SUGP1: variants seen among roughly 807,000 people sequenced by gnomAD.
SUGP1 encodes SURP and G-patch domain containing 1.
SUGP1 carries 34 observed loss-of-function variants against 76.5 expected under a neutral mutation model. That is an observed-to-expected ratio of 0.44 (90% CI 0.34 to 0.59). The LOEUF (loss-of-function observed/expected upper bound fraction) is 0.59. Ranked by LOEUF, SUGP1 falls within the 20% of genes least tolerant of loss-of-function variation. The pLI, the probability that SUGP1 is intolerant of heterozygous loss-of-function variation, is 0.01. For synonymous variants in SUGP1, 326 were observed against 326.2 expected, an observed-to-expected ratio of 1.00 and a Z score of 0.01; for missense variants, 752 against 851.7, an observed-to-expected ratio of 0.88 and a Z score of 1.46.
At chr19:19,296,392 C>T (rs991091729) in intron 8 of SUGP1, among the ~76,000 whole-genome samples, 4 of 149,938 alleles carry the variant, frequency 2.7e-5, no homozygotes, top group Non-Finnish European at 4.4e-5. Context: ...CCCATCTCTA[C>T]GTCCCAGCAC....
intron 1 of SUGP1, 34 bp downstream of exon 1, chr19:19,320,429 A>C: frequency 6.2e-7 from 1 of 1,606,622 alleles, no homozygotes; most frequent in Non-Finnish European, 8.5e-7. Context: ...CCAGGGACCC[A>C]GGCGGCCGCC....
intron 8 of SUGP1, among the ~76,000 whole-genome samples, chr19:19,292,902 G>A (rs962273488): frequency 6.6e-6 from 1 of 151,944 alleles, no homozygotes. Context: ...ATGATTTTAT[G>A]TATTTATTTA....
intron 8 of SUGP1, among the ~76,000 whole-genome samples, chr19:19,285,958 C>T (rs1203048884): frequency 6.6e-6 from 1 of 152,166 alleles, no homozygotes; most frequent in Non-Finnish European, 1.5e-5. Flanking sequence ...AAGCTGCTAA[C>T]CCCTGAGTCT....
chr19:19,310,335 G>T, intron 2 of SUGP1, 135 bp from the exon 3 acceptor site: 1 of 679,202 alleles, frequency 1.5e-6, no homozygotes. Context: ...TCACCTACTG[G>T]GACCCCAAAC....
rs55849619 is a variant in SUGP1, at chr19:19,318,113, C to CTTTTCTTTTTTTTTTTT, written c.35-1521_35-1520insAAAAAAAAAAAAGAAAA. On this transcript the variant is annotated intron_variant, in intron 1 of 13. Coordinates refer to ENST00000247001, the MANE Select transcript of SUGP1 (RefSeq NM_172231.4). ...GGCGTGAGCCACCGAACCCAGCCTTCTTTTTTTTTTTTTTTTTTTTTGAGA... is the reference window on the plus strand; with the variant it reads ...GGCGTGAGCCACCGAACCCAGCCTTCTTTTCTTTTTTTTTTTTTTTTTTTTTTTTTTTTTTTTTGAGA... Among the ~76,000 whole-genome samples, 32 of 97,668 alleles carry CTTTTCTTTTTTTTTTTT rather than the reference C, an allele frequency of 3.3e-4. 2 individuals are homozygous for CTTTTCTTTTTTTTTTTT. Among genetic ancestry groups the CTTTTCTTTTTTTTTTTT allele is most frequent in the African/African-American group, 7.9e-4 (18 of 22,828 alleles). 64.1% of individuals were successfully genotyped at this position (97,668 alleles called of 152,430 possible).
intron 2 of SUGP1, among the ~76,000 whole-genome samples, chr19:19,315,044 A>G (rs985653452): frequency 1.3e-5 from 2 of 150,564 alleles, no homozygotes; most frequent in African/African-American, 4.9e-5. Context: ...AAGAAAAGGC[A>G]AACGCTGCTG....
At chr19:19,279,439 C>G in intron 9 of SUGP1, 49 bp from the exon 10 acceptor site, 1 of 1,516,218 alleles carries the variant, frequency 6.6e-7, no homozygotes, top group Non-Finnish European at 8.8e-7. Flanking sequence ...TGTGGCCTGC[C>G]GGAGCCCCGC....
chr19:19,305,575 T>G (rs1395868546), intron 4 of SUGP1: 1 of 372,390 alleles, frequency 2.7e-6, no homozygotes, highest in Non-Finnish European at 4.9e-6. Context: ...CGCCCCTGCC[T>G]TGGCTGGGAT....
chr19:19,303,224 T>C, intron 6 of SUGP1, 124 bp downstream of exon 6: 1 of 761,432 alleles, frequency 1.3e-6, no homozygotes, highest in South Asian at 1.6e-5. Flanking sequence ...CCTGGGAGAA[T>C]ACAGGCCTCA....
intron 11 of SUGP1, 128 bp downstream of exon 11, chr19:19,278,562 G>T: frequency 1.3e-6 from 1 of 756,188 alleles, no homozygotes; most frequent in Non-Finnish European, 2.2e-6. Context: ...GCCTCCTGCA[G>T]CGAAAAGGCC....
chr19:19,299,757 G>A (rs1317828457), intron 7 of SUGP1, among the ~76,000 whole-genome samples: 2 of 151,758 alleles, frequency 1.3e-5, no homozygotes, highest in Non-Finnish European at 2.9e-5. Context: ...AGAATGACTA[G>A]TCCAAGGGAT....
intron 8 of SUGP1, among the ~76,000 whole-genome samples, chr19:19,293,458 C>T (rs1348850110): frequency 6.6e-6 from 1 of 151,848 alleles, no homozygotes. Context: ...GTGGTGGGCA[C>T]CTGTAGTCCC....
At chr19:19,303,989 G>A (rs2061294727) in intron 4 of SUGP1, 142 bp from the exon 5 acceptor site, 1 of 1,595,162 alleles carries the variant, frequency 6.3e-7, no homozygotes, top group Non-Finnish European at 8.5e-7. Context: ...CCCGAGTCCA[G>A]GCACAAAACA....
At chr19:19,280,756 A>G (rs2061092407) in intron 8 of SUGP1, 1 of 156,456 alleles carries the variant, frequency 6.4e-6, no homozygotes, top group African/African-American at 2.4e-5. Context: ...CGTAAGACTC[A>G]GCTGTGCGAC....
At chr19:19,310,925 G>GGT (rs2061348411) in intron 2 of SUGP1, among the ~76,000 whole-genome samples, 1 of 152,130 alleles carries the variant, frequency 6.6e-6, no homozygotes, top group Non-Finnish European at 1.5e-5. Context: ...TTACAGGTGT[G>GGT]AGCCACCACA....
chr19:19,276,962 G>T lies in SUGP1; in HGVS notation c.1896C>A (p.Phe632Leu). 1 of 1,613,104 alleles carries T rather than the reference G, an allele frequency of 6.2e-7. No homozygotes were observed. The highest frequency in any genetic ancestry group is 8.5e-7 in the Non-Finnish European group (1 of 1,180,022). Reference protein sequence around the residue: ...FRKRMMLAYRFRPNPLNNPRR... With the variant: ...FRKRMMLAYRLRPNPLNNPRR... ...ACATGCGTACCAGGGGGTTGGGCCG[G>T]AAGCGGTAGGCCAGCATCATCCTCT... The change falls in exon 13 of 14, where the codon TTC (phenylalanine) becomes TTA (leucine). Residue 632 changes from phenylalanine to leucine, a missense_variant. Coordinates refer to ENST00000247001, the MANE Select transcript of SUGP1 (RefSeq NM_172231.4).
chr19:19,303,623 A>G, intron 5 of SUGP1, 101 bp downstream of exon 5: 1 of 1,489,570 alleles, frequency 6.7e-7, no homozygotes, highest in South Asian at 1.1e-5. Flanking sequence ...AAACGCTTGG[A>G]ACAGCATCCG....
At chr19:19,289,943 A>C (rs1382236153) in intron 8 of SUGP1, among the ~76,000 whole-genome samples, 2 of 151,918 alleles carry the variant, frequency 1.3e-5, no homozygotes, top group African/African-American at 4.8e-5. Context: ...CAAGAATACA[A>C]GGAACTAAGA....
chr19:19,302,433 CA>C, intron 6 of SUGP1, 45 bp from the exon 7 acceptor site: 1 of 1,596,734 alleles, frequency 6.3e-7, no homozygotes, highest in Non-Finnish European at 8.6e-7. Context: ...CCACACCCAA[CA>C]GCCTAATTTC....
Sources: allele counts gnomAD v4.1 joint callset (sites outside exome capture counted in the v4.1 genomes callset), GRCh38; gene constraint gnomAD v4.1.1; transcripts MANE v1.5; gene names NCBI Gene and HGNC (gene_info 2026-07-23, HGNC 2026-07-21).